Variants in MTR observed in about 807,000 individuals in gnomAD.
The protein encoded by MTR is methionine synthase.
MTR carries 84 observed loss-of-function variants against 154.8 expected under a neutral mutation model. The observed-to-expected ratio is 0.54, with a 90% confidence interval of 0.45 to 0.65. MTR has a LOEUF of 0.65. MTR is among the 30% of genes least tolerant of loss of function. MTR has a pLI of 0.00. For synonymous variants in MTR, 554 were observed against 553.9 expected, an observed-to-expected ratio of 1.00 and a Z score of 0.00; for missense variants, 1,275 against 1,570.2, an observed-to-expected ratio of 0.81 and a Z score of 3.18.
chr1:236,897,674 TTGA>T lies in MTR; in HGVS notation c.*35_*37del, dbSNP rs756783799. On this transcript the variant is annotated 3_prime_UTR_variant, in exon 33 of 33. Transcript: ENST00000366577. ...TTTTTTTTTTTTGCCTTTTTTATTCTTGATGATCCTCAAGGAAATACAACCTAG... is the reference window on the plus strand; with the variant it reads ...TTTTTTTTTTTTGCCTTTTTTATTCTTGATCCTCAAGGAAATACAACCTAG... The T allele has an allele frequency of 1.3e-6, 2 of 1,559,540 alleles. No individual in the cohort carries two copies. Among genetic ancestry groups the T allele is most frequent in the Non-Finnish European group, 1.8e-6 (2 of 1,131,780 alleles).
chr1:236,879,201 T>G (rs1045091555), intron 24 of MTR, among the ~76,000 whole-genome samples: 3 of 152,220 alleles, frequency 2.0e-5, no homozygotes, highest in Non-Finnish European at 4.4e-5. Flanking sequence ...TACAATTGAA[T>G]CTCTCTCTTC....
chr1:236,806,387 C>T (rs1267093642), intron 3 of MTR, among the ~76,000 whole-genome samples, 154 bp downstream of exon 3: 1 of 152,112 alleles, frequency 6.6e-6, no homozygotes, highest in Non-Finnish European at 1.5e-5. Flanking sequence ...GTGAATCCTT[C>T]CAGCTTGTGA....
chr1:236,835,335 T>C (rs1288358843), intron 13 of MTR, among the ~76,000 whole-genome samples: 1 of 152,028 alleles, frequency 6.6e-6, no homozygotes, highest in Non-Finnish European at 1.5e-5. Flanking sequence ...CTTTGGTGGA[T>C]TCTAAGCAGT....
At chr1:236,815,959 G>A (rs1661568335) in intron 7 of MTR, among the ~76,000 whole-genome samples, 1 of 152,184 alleles carries the variant, frequency 6.6e-6, no homozygotes, top group Admixed American at 6.5e-5. Context: ...AGGGCCCAAG[G>A]AGGGGTGGAC....
chr1:236,886,154 T>C, intron 26 of MTR, 138 bp from the exon 27 acceptor site: 1 of 741,140 alleles, frequency 1.3e-6, no homozygotes, highest in Admixed American at 2.1e-5. Flanking sequence ...AAGGAAGAGC[T>C]TTTTAGAATA....
intron 22 of MTR, among the ~76,000 whole-genome samples, chr1:236,871,931 C>A (rs1174715996): frequency 2.6e-5 from 4 of 152,066 alleles, no homozygotes; most frequent in African/African-American, 9.7e-5. Context: ...CCCCTTCCTG[C>A]CCCAGCGTTC....
In MTR at chr1:236,885,208, G is replaced by A; in HGVS notation, c.2764G>A (p.Glu922Lys). 2 of 1,582,758 alleles carry A rather than the reference G, an allele frequency of 1.3e-6. No homozygotes were observed. The highest frequency in any genetic ancestry group is 1.3e-5 in the African/African-American group (1 of 74,294). The change falls in exon 26 of 33, where the codon GAG becomes AAG. Residue 922 changes from glutamate (E) to lysine (K), a missense_variant. Transcript: ENST00000366577. ...EYEDIRQDHY[E>K]SLKERRYLPL... is the part of the protein sequence containing the mutation. ...TGAAGATATTAGACAGGACCATTATGAGTCTCTCAAGGTAAGTGGTAGAAA... is the reference window on the plus strand; with the variant it reads ...TGAAGATATTAGACAGGACCATTATAAGTCTCTCAAGGTAAGTGGTAGAAA...
chr1:236,895,685 T>C, intron 31 of MTR, 135 bp downstream of exon 31: 1 of 809,140 alleles, frequency 1.2e-6, no homozygotes. Context: ...GCTGTCCTTT[T>C]TCACTCGTAG....
intron 10 of MTR, among the ~76,000 whole-genome samples, chr1:236,825,858 A>G (rs1216400817): frequency 1.3e-5 from 2 of 152,204 alleles, no homozygotes; most frequent in East Asian, 3.8e-4. Flanking sequence ...GCACTTAGCT[A>G]CTAATCCCTG....
In MTR at chr1:236,850,512, A is replaced by G; in HGVS notation, c.1684A>G (p.Lys562Glu). ...TGCCATTAATTTTATCCATGCAACA[A>G]AAGTCATTAAAGTAAGTGTAGGCAT... ...LYAINFIHAT[K>E]VIKETLPGAR... The change falls in exon 16 of 33, where the codon AAA becomes GAA. Residue 562 changes from lysine (K) to glutamate (E), a missense_variant. Transcript: ENST00000366577. 4 of 1,613,626 alleles carry G rather than the reference A, an allele frequency of 2.5e-6. No individual in the cohort carries two copies. The highest frequency in any genetic ancestry group is 1.1e-5 in the South Asian group (1 of 91,070).
rs771666519 is a variant in MTR, at chr1:236,902,781, G to A, written c.*5137G>A. The A allele has an allele frequency of 6.6e-6, 1 of 152,074 alleles. No individual in the cohort carries two copies. The highest frequency in any genetic ancestry group is 6.6e-5 in the Admixed American group (1 of 15,254). 9.4% of individuals were successfully genotyped at this position (152,074 alleles called of 1,614,324 possible). ...ACCTTCAGTATTTCATATTAGATGC[G>A]GCCCAAGTGATACTTTCTTTACCGT... On this transcript the variant is annotated 3_prime_UTR_variant, in exon 33 of 33. Coordinates refer to ENST00000366577, the MANE Select transcript of MTR (RefSeq NM_000254.3).
At chr1:236,797,031 T>A (rs374459092) in intron 1 of MTR, among the ~76,000 whole-genome samples, 13 of 150,752 alleles carry the variant, frequency 8.6e-5, no homozygotes, top group African/African-American at 2.5e-4. Context: ...AAAAAAAAAA[T>A]AAACTGAAAG....
intron 22 of MTR, among the ~76,000 whole-genome samples, chr1:236,866,736 AC>A (rs1488278362): frequency 6.6e-6 from 1 of 152,194 alleles, no homozygotes; most frequent in Non-Finnish European, 1.5e-5. Context: ...AAACAGCCCC[AC>A]TGCTGTTATG....
intron 5 of MTR, among the ~76,000 whole-genome samples, chr1:236,810,903 A>G (rs914259867): frequency 6.6e-6 from 1 of 152,240 alleles, no homozygotes; most frequent in Non-Finnish European, 1.5e-5. Context: ...ACAAATTTGG[A>G]TACTAGGTTT....
chr1:236,852,885 GTT>G lies in MTR; in HGVS notation c.1813-61_1813-60del, dbSNP rs1326989813. 67 of 1,590,034 alleles carry G rather than the reference GTT, an allele frequency of 4.2e-5. No homozygotes were observed. The African/African-American group carries it at 8.2e-4, about 19-fold the overall frequency. On this transcript the variant is annotated intron_variant, in intron 17 of 32. Transcript: ENST00000366577. ...TCTCTCTGGCCCTTTACAGAGAAAAGTTTGCTGATCGCTGACTTAAGGTATCA... is the reference window on the plus strand; with the variant it reads ...TCTCTCTGGCCCTTTACAGAGAAAAGTGCTGATCGCTGACTTAAGGTATCA...
Position 236,895,368 on chromosome 1 carries a change from A to G in MTR, c.3416A>G (p.Glu1139Gly). The change falls in exon 31 of 33, where the codon GAA (glutamate) becomes GGA (glycine). Residue 1139 changes from glutamate to glycine, a missense_variant. Glu to Gly is a moderately conservative substitution (Grantham distance 98). Transcript: ENST00000366577. The stretch of plus-strand genomic sequence containing the variant: ...GCTTTGGGTCCCAAGGCCTTTGCAG[A>G]AGAGCTCCATGAAAGAGTTCGCCGA... ...LGDRLAEAFA[E>G]ELHERVRREL... The G allele has an allele frequency of 1.3e-5, 20 of 1,598,308 alleles. No homozygotes were observed. The highest frequency in any genetic ancestry group is 1.7e-5 in the Non-Finnish European group (20 of 1,171,692).
chr1:236,867,744 G>C (rs1369632158), intron 22 of MTR, among the ~76,000 whole-genome samples: 1 of 152,158 alleles, frequency 6.6e-6, no homozygotes, highest in African/African-American at 2.4e-5. Flanking sequence ...TGACTTTGAG[G>C]GATTCAAGAC....
intron 8 of MTR, among the ~76,000 whole-genome samples, chr1:236,823,796 C>CTTTTTT (rs59710180): frequency 0.013 from 235 of 18,428 alleles, 81 homozygotes; most frequent in African/African-American, 0.024. Flanking sequence ...CAGGTCAGAT[C>CTTTTTT]TTTTTTTTTT....
At chr1:236,801,253 G>C (rs1660685241) in intron 1 of MTR, among the ~76,000 whole-genome samples, 1 of 152,186 alleles carries the variant, frequency 6.6e-6, no homozygotes, top group Non-Finnish European at 1.5e-5. Context: ...TTATCAGGAA[G>C]TGTTTTATCT....
Sources: allele counts gnomAD v4.1 joint callset (sites outside exome capture counted in the v4.1 genomes callset), GRCh38; gene constraint gnomAD v4.1.1; transcripts MANE v1.5; gene names NCBI Gene and HGNC (gene_info 2026-07-23, HGNC 2026-07-21).